LAIR1: variants seen among roughly 807,000 people sequenced by gnomAD.
LAIR1 encodes leukocyte associated immunoglobulin like receptor 1.
A neutral mutation model predicts 32.8 loss-of-function variants in LAIR1; 24 were observed. That is an observed-to-expected ratio of 0.73 (90% CI 0.53 to 1.03). The LOEUF is 1.03. Among genes scored for constraint, LAIR1 ranks in the 50% least tolerant of loss-of-function variants. The probability of loss-of-function intolerance (pLI) is 0.00; values close to 1 mark genes in which losing one functional copy is unlikely to be tolerated. For synonymous variants in LAIR1, 150 were observed against 140.5 expected (o/e 1.07, Z -0.48); for missense variants, 355 against 347.5 (o/e 1.02, Z -0.17).
upstream of LAIR1, among the ~76,000 whole-genome samples, chr19:54,372,771 AGCC>A (rs749739688): frequency 2.0e-5 from 3 of 151,168 alleles, no homozygotes; most frequent in Non-Finnish European, 2.9e-5. Flanking sequence ...TATAGGTGTA[AGCC>A]ACTGAGCCCG....
At chr19:54,360,604 G>C in intron 3 of LAIR1, 1 of 495,274 alleles carries the variant, frequency 2.0e-6, no homozygotes, top group South Asian at 3.2e-5. Flanking sequence ...CTCTTGTAGG[G>C]GGGTTGCCCC....
chr19:54,370,420 C>T (rs570945705), exon 1 of LAIR1: 1 of 565,632 alleles, frequency 1.8e-6, no homozygotes, highest in African/African-American at 2.0e-5. Flanking sequence ...ACTTGGCTTT[C>T]CACGGGCTGC....
upstream of LAIR1, among the ~76,000 whole-genome samples, chr19:54,365,664 C>T (rs2082228686): frequency 6.6e-6 from 1 of 151,800 alleles, no homozygotes; most frequent in Non-Finnish European, 1.5e-5. Flanking sequence ...TGGTGGTGGG[C>T]ACAGCTACTT....
At chr19:54,362,973 T>C (rs2082097370) in intron 2 of LAIR1, among the ~76,000 whole-genome samples, 1 of 147,774 alleles carries the variant, frequency 6.8e-6, no homozygotes, top group South Asian at 2.1e-4. Context: ...CAAAGAGAGG[T>C]GCACAGGTCT....
upstream of LAIR1, among the ~76,000 whole-genome samples, chr19:54,371,463 T>A (rs2082404154): frequency 6.6e-6 from 1 of 151,166 alleles, no homozygotes; most frequent in East Asian, 1.9e-4. Context: ...CATACCCAGC[T>A]AATTTTTGTA....
upstream of LAIR1, chr19:54,365,115 A>G (rs2082211232): frequency 8.4e-7 from 1 of 1,188,316 alleles, no homozygotes; most frequent in Admixed American, 4.3e-5. Context: ...AAGGCAGAAT[A>G]AAGGTCGGGC....
intron 3 of LAIR1, among the ~76,000 whole-genome samples, chr19:54,360,377 G>A (rs1012646324): frequency 1.0e-4 from 14 of 138,460 alleles, no homozygotes; most frequent in South Asian, 2.5e-4. Flanking sequence ...TTGACTCCAG[G>A]ACATCTCGGG....
At chr19:54,356,299 G>A (rs1158488868) in intron 7 of LAIR1, 32 bp from the exon 8 acceptor site, 1 of 1,609,974 alleles carries the variant, frequency 6.2e-7, no homozygotes, top group Non-Finnish European at 8.5e-7. Context: ...AACCTCAGGG[G>A]CAGCCTGGCG....
At chr19:54,369,130 CAAAA>C (rs769890440), upstream of LAIR1, among the ~76,000 whole-genome samples, 1 of 133,454 alleles carries the variant, frequency 7.5e-6, no homozygotes, top group Admixed American at 7.5e-5. Context: ...GCACATCCGC[CAAAA>C]AAAAAAAAAA....
intron 2 of LAIR1, 112 bp from the exon 3 acceptor site, chr19:54,361,321 A>T (rs1415837791): frequency 8.6e-7 from 1 of 1,168,972 alleles, no homozygotes; most frequent in Admixed American, 1.9e-5. Flanking sequence ...AGAGTTATGC[A>T]GCCATGACCA....
At chr19:54,373,648 A>G (rs1307984801), upstream of LAIR1, among the ~76,000 whole-genome samples, 1 of 151,940 alleles carries the variant, frequency 6.6e-6, no homozygotes, top group African/African-American at 2.4e-5. Context: ...CAAGAGTGAG[A>G]GCCAAGAGTG....
rs183557746 is a variant in LAIR1, at chr19:54,354,892, C to T, written c.*376G>A. On this transcript the variant is annotated 3_prime_UTR_variant, in exon 10 of 10. Coordinates refer to ENST00000391742, the MANE Select transcript of LAIR1 (RefSeq NM_002287.6). Reference sequence around the variant, plus strand: ...TAGGACAAGCTTGGAGGTGGCATCACTGCTCAGGAAATCGGCTGATTGGCT... The same window carrying T: ...TAGGACAAGCTTGGAGGTGGCATCATTGCTCAGGAAATCGGCTGATTGGCT... 1.2e-4 allele frequency: 23 copies of T among 193,112 alleles called. No homozygotes were observed. In the Admixed American group the frequency reaches 1.3e-3, roughly 11 times the overall value. 12.0% of individuals were successfully genotyped at this position (193,112 alleles called of 1,614,324 possible).
At chr19:54,365,189 G>A (rs1465383010), upstream of LAIR1, 13 of 437,086 alleles carry the variant, frequency 3.0e-5, no homozygotes, top group Admixed American at 2.6e-4. Flanking sequence ...TGGGCAAGAC[G>A]TTACAAAACT....
chr19:54,369,682 A>T (rs904612792), upstream of LAIR1, among the ~76,000 whole-genome samples: 3 of 151,614 alleles, frequency 2.0e-5, no homozygotes, highest in African/African-American at 7.3e-5. Flanking sequence ...TAGAGTAGTG[A>T]TTCTCACACT....
rs768826910 is a variant in LAIR1, at chr19:54,364,022, G to A, written c.70+273C>T. 3.9e-5 allele frequency among the ~76,000 whole-genome samples: 6 copies of A among 151,966 alleles called. No homozygotes were observed. Among genetic ancestry groups the A allele is most frequent in the Admixed American group, 1.3e-4 (2 of 15,260 alleles). ...TAATCTTTCCACAATGTGTACATAC[G>A]TCATAATATCACACTGTACCCCGCA... On this transcript the variant is annotated intron_variant, in intron 2 of 9. Transcript: ENST00000391742. This position sits in a 1 kb window ranked among gnomAD's most constrained non-coding sequence, Gnocchi z 4.8.
chr19:54,369,784 C>T (rs1393565069), upstream of LAIR1, among the ~76,000 whole-genome samples: 13 of 151,628 alleles, frequency 8.6e-5, no homozygotes, highest in African/African-American at 1.5e-4. Flanking sequence ...TAAAATGACA[C>T]AAGATGCAAT....
chr19:54,363,079 A>G (rs1396170922), intron 2 of LAIR1, among the ~76,000 whole-genome samples: 2 of 152,094 alleles, frequency 1.3e-5, no homozygotes, highest in Non-Finnish European at 2.9e-5. Flanking sequence ...TTTGAATACA[A>G]TTTAAAAACT....
At chr19:54,364,992 G>C, upstream of LAIR1, 1 of 1,459,452 alleles carries the variant, frequency 6.9e-7, no homozygotes, top group Non-Finnish European at 9.0e-7. This position sits in a 1 kb window ranked among gnomAD's most constrained non-coding sequence, Gnocchi z 4.8. Context: ...CTAGTGAGAC[G>C]AGAGGGAGGG....
At chr19:54,370,330 T>A in exon 1 of LAIR1, 2 of 1,515,526 alleles carry the variant, frequency 1.3e-6, no homozygotes, top group Non-Finnish European at 1.8e-6. Flanking sequence ...ATGATCATCT[T>A]CATAGGATTC....
Sources: allele counts gnomAD v4.1 joint callset (sites outside exome capture counted in the v4.1 genomes callset), GRCh38; gene constraint gnomAD v4.1.1; non-coding constraint Gnocchi (gnomAD v3.1); transcripts MANE v1.5; gene names NCBI Gene and HGNC (gene_info 2026-07-23, HGNC 2026-07-21).